The following SLC6A6 variants were observed in gnomAD, a reference collection of about 807,000 sequenced individuals.
The protein encoded by SLC6A6 is sodium- and chloride-dependent taurine transporter.
A neutral mutation model predicts 68.8 loss-of-function variants in SLC6A6; 16 were observed. That is an observed-to-expected ratio of 0.23 (90% CI 0.16 to 0.35). The LOEUF (loss-of-function observed/expected upper bound fraction) is 0.35, where lower values mean the gene tolerates loss of function less well. Ranked by LOEUF, SLC6A6 falls within the 10% of genes least tolerant of loss-of-function variation. The pLI is 1.00. For missense variants in SLC6A6, 474 were observed against 802.8 expected (o/e 0.59, Z 4.95); for synonymous variants, 312 against 315.4 (o/e 0.99, Z 0.12).
rs370572154 is a variant in SLC6A6 at position 14,467,973 on chromosome 3, C to T, written c.971+17C>T. On this transcript the variant is annotated intron_variant, in intron 8 of 14. Transcript: ENST00000622186. Reference sequence around the variant, plus strand: ...CTCGTACAGGCAAGTGTTGCGCCGGCGGGCCTGGTGGACTTTAGAAATGAT... The same window carrying T: ...CTCGTACAGGCAAGTGTTGCGCCGGTGGGCCTGGTGGACTTTAGAAATGAT... 1.1e-4 allele frequency: 177 copies of T among 1,608,456 alleles called. No individual in the cohort carries two copies. The highest frequency in any genetic ancestry group is 1.3e-4 in the Admixed American group (8 of 59,808).
intron 2 of SLC6A6, among the ~76,000 whole-genome samples, chr3:14,423,401 G>A (rs915900093): frequency 2.0e-5 from 3 of 152,146 alleles, no homozygotes; most frequent in Admixed American, 2.0e-4. Flanking sequence ...TATACACCAG[G>A]CACAGTGCAG....
chr3:14,425,670 T>A (rs570707577), intron 2 of SLC6A6, among the ~76,000 whole-genome samples: 2 of 115,686 alleles, frequency 1.7e-5, no homozygotes, highest in East Asian at 2.5e-4. Context: ...TTTGCAGGAG[T>A]GAAAGGAAGC....
intron 6 of SLC6A6, 92 bp from the exon 7 acceptor site, chr3:14,466,424 C>A: frequency 7.1e-7 from 1 of 1,410,950 alleles, no homozygotes; most frequent in Non-Finnish European, 9.7e-7. Context: ...CTGATCCTGA[C>A]CAGTGCTCCC....
At chr3:14,447,838 AAGG>A in intron 5 of SLC6A6, 22 bp downstream of exon 5, 6 of 1,613,634 alleles carry the variant, frequency 3.7e-6, no homozygotes, top group South Asian at 1.1e-5. Flanking sequence ...TCATTGAAGC[AAGG>A]AGGAGGACAT....
intron 1 of SLC6A6, among the ~76,000 whole-genome samples, chr3:14,413,409 G>C (rs73815259): frequency 5.3e-5 from 8 of 152,200 alleles, no homozygotes; most frequent in Non-Finnish European, 8.8e-5. Context: ...CAGAGAGGTC[G>C]TGGTCTTCTG....
chr3:14,464,108 G>A (rs529245561), intron 6 of SLC6A6, among the ~76,000 whole-genome samples: 108 of 152,284 alleles, frequency 7.1e-4, no homozygotes, highest in Middle Eastern at 3.4e-3. Context: ...GAGCTCCTAC[G>A]GTCCCAGCCC....
chr3:14,484,545 G>T (rs973038173), intron 14 of SLC6A6, among the ~76,000 whole-genome samples: 5 of 152,140 alleles, frequency 3.3e-5, no homozygotes, highest in African/African-American at 1.2e-4. Flanking sequence ...ATCACAGGGA[G>T]GCATATTTTA....
intron 1 of SLC6A6, among the ~76,000 whole-genome samples, chr3:14,415,882 C>T (rs1699353206): frequency 6.6e-6 from 1 of 152,164 alleles, no homozygotes; most frequent in African/African-American, 2.4e-5. Flanking sequence ...CCTGGTGTGT[C>T]CCTGCGCCCC....
intron 1 of SLC6A6, among the ~76,000 whole-genome samples, chr3:14,410,201 A>G (rs1157070125): frequency 2.1e-5 from 3 of 144,444 alleles, no homozygotes; most frequent in Admixed American, 6.9e-5. Flanking sequence ...AAAAAAAGCC[A>G]TTGTTCACAG....
chr3:14,480,989 T>C (rs1700993862), intron 13 of SLC6A6, among the ~76,000 whole-genome samples: 1 of 152,188 alleles, frequency 6.6e-6, no homozygotes, highest in African/African-American at 2.4e-5. Flanking sequence ...GGCTCAGAGA[T>C]AGACATGGAG....
intron 1 of SLC6A6, among the ~76,000 whole-genome samples, chr3:14,413,537 C>T (rs1267724011): frequency 6.6e-6 from 1 of 152,234 alleles, no homozygotes; most frequent in Admixed American, 6.5e-5. Flanking sequence ...ATGGGCATCA[C>T]GTGGGAGCCT....
chr3:14,428,229 G>A (rs1056094572), intron 2 of SLC6A6, among the ~76,000 whole-genome samples: 1 of 152,196 alleles, frequency 6.6e-6, no homozygotes, highest in Non-Finnish European at 1.5e-5. Flanking sequence ...CAGCTAGGAG[G>A]AGGCCCAGCT....
chr3:14,478,935 C>T (rs996974713), intron 12 of SLC6A6, 150 bp from the exon 13 acceptor site: 93 of 621,026 alleles, frequency 1.5e-4, no homozygotes, highest in Non-Finnish European at 2.3e-4. Flanking sequence ...ATTTGAATTT[C>T]ATGTAAATGT....
At chr3:14,420,384 A>G (rs1699459154) in intron 2 of SLC6A6, among the ~76,000 whole-genome samples, 1 of 152,144 alleles carries the variant, frequency 6.6e-6, no homozygotes, top group Admixed American at 6.5e-5. Context: ...CAGTTTGCTG[A>G]CCTTGTTGTA....
intron 2 of SLC6A6, among the ~76,000 whole-genome samples, chr3:14,443,290 T>C (rs1161036532): frequency 1.3e-5 from 2 of 152,184 alleles, no homozygotes; most frequent in Non-Finnish European, 2.9e-5. Context: ...TGAAAGACGA[T>C]GCTAGGGCTG....
intron 7 of SLC6A6, 124 bp from the exon 8 acceptor site, chr3:14,467,729 A>C: frequency 1.6e-6 from 1 of 624,280 alleles, no homozygotes; most frequent in Non-Finnish European, 2.9e-6. Context: ...TAAATGTTCC[A>C]TTTGCATGTG....
intron 2 of SLC6A6, among the ~76,000 whole-genome samples, chr3:14,441,881 G>C (rs1574934913): frequency 1.3e-5 from 2 of 152,266 alleles, no homozygotes; most frequent in Admixed American, 1.3e-4. Flanking sequence ...TGTGTGCCAG[G>C]CATGGCGCCT....
At chr3:14,458,598 C>G (rs531936999) in intron 6 of SLC6A6, among the ~76,000 whole-genome samples, 3 of 152,364 alleles carry the variant, frequency 2.0e-5, no homozygotes, top group Admixed American at 6.5e-5. Context: ...TGCCCCAAAC[C>G]TACAAACTCC....
At chr3:14,408,657 C>A (rs1167623351) in intron 1 of SLC6A6, among the ~76,000 whole-genome samples, 1 of 152,208 alleles carries the variant, frequency 6.6e-6, no homozygotes, top group Non-Finnish European at 1.5e-5. Flanking sequence ...CCTCTGCATA[C>A]AGCTTAAACT....
Sources: gnomAD v4.1 joint callset for allele counts (sites outside exome capture counted in the v4.1 genomes callset) on GRCh38, gnomAD v4.1.1 for gene constraint, MANE v1.5 for transcripts, NCBI Gene and HGNC (gene_info 2026-07-23, HGNC 2026-07-21) for gene names.